TG: variants seen among roughly 807,000 people sequenced by gnomAD.
The protein encoded by TG is thyroglobulin.
TG carries 270 observed loss-of-function variants against 324.7 expected under a neutral mutation model. That is an observed-to-expected ratio of 0.83 (90% CI 0.75 to 0.92). The LOEUF (loss-of-function observed/expected upper bound fraction) is 0.92. Among genes scored for constraint, TG ranks in the 40% least tolerant of loss-of-function variants. The pLI is 0.00. For missense variants in TG, 3,591 were observed against 3,456.4 expected (o/e 1.04, Z -0.98); for synonymous variants, 1,401 against 1,327.0 (o/e 1.06, Z -1.21).
chr8:133,000,999 C>T (rs1276577414), intron 35 of TG, among the ~76,000 whole-genome samples: 4 of 152,166 alleles, frequency 2.6e-5, no homozygotes, highest in African/African-American at 9.7e-5. Flanking sequence ...CAGCCTCTCC[C>T]CTTGGCTTGT....
chr8:132,919,332 GC>G (rs1046769809), intron 20 of TG, 43 bp from the exon 21 acceptor site: 4 of 1,597,280 alleles, frequency 2.5e-6, no homozygotes, highest in Non-Finnish European at 3.4e-6. Flanking sequence ...TAACTGTGAA[GC>G]ATGTGTCTTG....
intron 35 of TG, among the ~76,000 whole-genome samples, chr8:132,999,833 A>C (rs202219317): frequency 2.6e-5 from 4 of 152,256 alleles, no homozygotes; most frequent in East Asian, 3.9e-4. Flanking sequence ...CTTGTCCTGA[A>C]GGCTTACATT....
intron 35 of TG, among the ~76,000 whole-genome samples, chr8:132,999,751 T>C (rs1833267442): frequency 6.6e-6 from 1 of 152,370 alleles, no homozygotes; most frequent in South Asian, 2.1e-4. Context: ...CCTGGCTCTT[T>C]ACTATCTTCT....
At chr8:132,953,703 G>A (rs1370679946) in intron 27 of TG, among the ~76,000 whole-genome samples, 1 of 152,144 alleles carries the variant, frequency 6.6e-6, no homozygotes, top group Non-Finnish European at 1.5e-5. Flanking sequence ...CCTGCCATCA[G>A]CAATGAGTGA....
In TG at chr8:133,094,774, C is replaced by T. The variant is rs75436751; in HGVS notation, c.7240-270C>T. ...TTGCCTCTATATACAAATTCATCTG[C>T]ACAGCCAAGACTGAAGGTTCCCTTG... On this transcript the variant is annotated intron_variant, in intron 41 of 47. Transcript: ENST00000220616. 1,454 of 531,712 alleles carry T rather than the reference C, an allele frequency of 2.7e-3. 35 individuals are homozygous for T. The East Asian group carries it at 0.045, about 16-fold the overall frequency. The allele number at this position is 531,712 out of a possible 1,614,324, so 32.9% of individuals were successfully genotyped here.
intron 25 of TG, among the ~76,000 whole-genome samples, chr8:132,938,434 T>C (rs1268298945): frequency 6.6e-6 from 1 of 152,124 alleles, no homozygotes; most frequent in African/African-American, 2.4e-5. Context: ...AGATGAGGTC[T>C]AGGAAAAGGA....
chr8:133,043,762 A>G (rs558854479), intron 41 of TG, among the ~76,000 whole-genome samples: 115 of 152,342 alleles, frequency 7.5e-4, no homozygotes, highest in Non-Finnish European at 1.3e-3. Context: ...TCTCCTTGAA[A>G]TGCACTTTGC....
chr8:133,000,818 G>A (rs746542053), intron 35 of TG, among the ~76,000 whole-genome samples: 20 of 152,180 alleles, frequency 1.3e-4, no homozygotes, highest in Admixed American at 3.3e-4. Flanking sequence ...TGCTGTCACC[G>A]AGTGCACACT....
intron 35 of TG, among the ~76,000 whole-genome samples, chr8:132,991,536 C>T (rs911466510): frequency 4.6e-5 from 7 of 152,228 alleles, no homozygotes; most frequent in African/African-American, 7.2e-5. Flanking sequence ...CATGTGCACA[C>T]GCACACACGC....
chr8:132,886,346 T>C, intron 8 of TG, 102 bp from the exon 9 acceptor site: 1 of 1,503,578 alleles, frequency 6.7e-7, no homozygotes, highest in Admixed American at 1.7e-5. Flanking sequence ...GTGTCCTTGA[T>C]TGAATGTTCT....
intron 1 of TG, among the ~76,000 whole-genome samples, chr8:132,867,868 G>A (rs1039462721): frequency 1.3e-5 from 2 of 151,774 alleles, no homozygotes; most frequent in Admixed American, 6.5e-5. Context: ...GACGACTTTC[G>A]CTGCCTGAGA....
At chr8:133,116,532 G>A in intron 44 of TG, 77 bp from the exon 45 acceptor site, 1 of 1,407,084 alleles carries the variant, frequency 7.1e-7, no homozygotes, top group Non-Finnish European at 1.0e-6. Flanking sequence ...GCCCCTTGCT[G>A]GGAGAAGCCC....
At chr8:132,971,236 G>A (rs186107142) in intron 32 of TG, among the ~76,000 whole-genome samples, 170 of 152,256 alleles carry the variant, frequency 1.1e-3, no homozygotes, top group Non-Finnish European at 7.5e-4. Context: ...CTGGCTGGGT[G>A]GGCTGACCCA....
intron 35 of TG, among the ~76,000 whole-genome samples, chr8:132,988,113 C>G (rs926111524): frequency 2.7e-5 from 4 of 147,944 alleles, no homozygotes; most frequent in Non-Finnish European, 6.0e-5. Context: ...CGAAATGAAG[C>G]TAAGCAATTA....
intron 41 of TG, among the ~76,000 whole-genome samples, chr8:133,062,901 C>T (rs2248574): frequency 0.25 from 37,745 of 151,856 alleles, 5,600 homozygotes; most frequent in East Asian, 0.56. Flanking sequence ...TGCTCTGCTA[C>T]GCACAGGCCT....
intron 25 of TG, 52 bp downstream of exon 25, chr8:132,935,916 T>C: frequency 7.0e-7 from 1 of 1,421,744 alleles, no homozygotes; most frequent in Non-Finnish European, 9.9e-7. Flanking sequence ...CACACGGTCA[T>C]GTTTGGAGCT....
At chr8:132,972,322 G>C in intron 33 of TG, 1 of 533,338 alleles carries the variant, frequency 1.9e-6, no homozygotes, top group Non-Finnish European at 3.4e-6. Flanking sequence ...GGTTATGTGA[G>C]GACCAAGTGA....
At chr8:133,102,445 T>A in intron 43 of TG, 1 of 930,058 alleles carries the variant, frequency 1.1e-6, no homozygotes. Flanking sequence ...AGACGGAGGG[T>A]GGGTACAGGA....
In TG at chr8:132,887,072, T is replaced by G. The variant is rs1815525282; in HGVS notation, c.1700T>G (p.Phe567Cys). Residue 567 changes from phenylalanine to cysteine, a missense_variant, in exon 9 of 48, where the codon TTC (phenylalanine) becomes TGC (cysteine). Coordinates refer to ENST00000220616, the MANE Select transcript of TG (RefSeq NM_003235.5). ...CAAGAGAACCAAAATGCCCTCAAATTCCTTGCTTCTCTCCTGGAGCTTCCA... is the reference window on the plus strand; with the variant it reads ...CAAGAGAACCAAAATGCCCTCAAATGCCTTGCTTCTCTCCTGGAGCTTCCA... Reference protein sequence around the residue: ...NLQENQNALKFLASLLELPEF... With the variant: ...NLQENQNALKCLASLLELPEF... 3 of 1,614,084 alleles carry G rather than the reference T, an allele frequency of 1.9e-6. No homozygotes were observed. Among genetic ancestry groups the G allele is most frequent in the Non-Finnish European group, 1.7e-6 (2 of 1,180,038 alleles).
Sources: allele counts gnomAD v4.1 joint callset (sites outside exome capture counted in the v4.1 genomes callset), GRCh38; gene constraint gnomAD v4.1.1; transcripts MANE v1.5; gene names NCBI Gene and HGNC (gene_info 2026-07-23, HGNC 2026-07-21).